Variants in TMCC3 observed in about 807,000 individuals in gnomAD.
TMCC3 encodes transmembrane and coiled-coil domain protein 3.
A neutral mutation model predicts 40.2 loss-of-function variants in TMCC3; 28 were observed. The observed-to-expected ratio is 0.70, with a 90% CI of 0.52 to 0.95. The LOEUF (loss-of-function observed/expected upper bound fraction) is 0.95. Among genes scored for constraint, TMCC3 ranks in the 40% least tolerant of loss-of-function variants. The probability of loss-of-function intolerance (pLI) is 0.00; values close to 1 mark genes in which losing one functional copy is unlikely to be tolerated. For missense variants in TMCC3, 554 were observed against 615.2 expected (o/e 0.90, Z 1.05); for synonymous variants, 255 against 248.5 (o/e 1.03, Z -0.25).
At chr12:94,647,902 AC>A (rs2069029020) in intron 1 of TMCC3, among the ~76,000 whole-genome samples, 2 of 152,228 alleles carry the variant, frequency 1.3e-5, no homozygotes, top group Admixed American at 1.3e-4. Flanking sequence ...TTATGAGTTT[AC>A]AAAAATTTCA....
chr12:94,633,243 G>A (rs890106958), intron 1 of TMCC3, among the ~76,000 whole-genome samples: 1 of 152,168 alleles, frequency 6.6e-6, no homozygotes. Flanking sequence ...TTCATCCAGT[G>A]TGTGAAAACA....
intron 1 of TMCC3, among the ~76,000 whole-genome samples, chr12:94,647,688 C>T (rs1227843716): frequency 6.6e-6 from 1 of 152,226 alleles, no homozygotes; most frequent in South Asian, 2.1e-4. Flanking sequence ...GTCTTCCTCT[C>T]GCATCACATA....
chr12:94,634,880 G>A (rs1435087733), intron 1 of TMCC3, among the ~76,000 whole-genome samples: 1 of 152,182 alleles, frequency 6.6e-6, no homozygotes, highest in African/African-American at 2.4e-5. Context: ...TAAGTCAGGA[G>A]GCTTCTACAA....
intron 3 of TMCC3, among the ~76,000 whole-genome samples, chr12:94,575,868 A>G (rs1300980781): frequency 6.6e-6 from 1 of 152,074 alleles, no homozygotes; most frequent in Non-Finnish European, 1.5e-5. Flanking sequence ...GTGTGATCAC[A>G]GCTCACTGCA....
intron 3 of TMCC3, among the ~76,000 whole-genome samples, chr12:94,574,208 C>A (rs1249123339): frequency 6.6e-6 from 1 of 151,940 alleles, no homozygotes; most frequent in Non-Finnish European, 1.5e-5. Flanking sequence ...TATGGTGAAA[C>A]CCCCTCTTTA....
At chr12:94,629,028 A>T (rs1355999881) in intron 1 of TMCC3, among the ~76,000 whole-genome samples, 2 of 152,198 alleles carry the variant, frequency 1.3e-5, no homozygotes, top group Non-Finnish European at 2.9e-5. Context: ...GACAATTAAC[A>T]TTCCTGTTCC....
Position 94,581,657 on chromosome 12 carries a change from A to G in TMCC3, c.960T>C (p.Gly320=). Residue 320 remains glycine, a synonymous_variant, in exon 2 of 4, where the codon GGT becomes GGC. Coordinates refer to ENST00000261226, the MANE Select transcript of TMCC3 (RefSeq NM_020698.4). ...ALKVQFKREY[G]FISQTLQEER... ...CCTCTTGCAGGGTCTGAGAAATAAA[A>G]CCATATTCTCTCTTAAACTGCACCT... 6.2e-7 allele frequency: 1 copy of G among 1,602,874 alleles called. No individual in the cohort carries two copies. The highest frequency in any genetic ancestry group is 8.5e-7 in the Non-Finnish European group (1 of 1,171,612).
chr12:94,584,605 A>G (rs958568518), intron 1 of TMCC3, among the ~76,000 whole-genome samples: 1 of 151,276 alleles, frequency 6.6e-6, no homozygotes, highest in African/African-American at 2.4e-5. Flanking sequence ...GGAGCACAGC[A>G]GCACAGTGGG....
chr12:94,597,427 A>G (rs1218968440), intron 1 of TMCC3, among the ~76,000 whole-genome samples: 1 of 152,170 alleles, frequency 6.6e-6, no homozygotes, highest in African/African-American at 2.4e-5. Context: ...ATTGTGGCAG[A>G]CAACTCAGGT....
chr12:94,588,257 A>C (rs1053567654), intron 1 of TMCC3, among the ~76,000 whole-genome samples: 2 of 152,166 alleles, frequency 1.3e-5, no homozygotes, highest in African/African-American at 4.8e-5. Context: ...GAGGGAGATG[A>C]ACCAAAAAGG....
At position 94,611,618 on chromosome 12, in the gene TMCC3, C is replaced by T. The variant is rs957656720; in HGVS notation, c.79-29080G>A. Among the ~76,000 whole-genome samples the T allele has an allele frequency of 6.2e-4, 94 of 152,114 alleles. 1 individual carries two copies. Among genetic ancestry groups the T allele is most frequent in the Admixed American group, 5.1e-3 (78 of 15,270 alleles). On this transcript the variant is annotated intron_variant, in intron 1 of 3. Transcript: ENST00000261226. ...GACCTCCTGCAGATACCAAAATCTG[C>T]GAGTGTTCAAGTCCCTGATATAAAA...
At position 94,571,023 on chromosome 12, in the gene TMCC3, A is replaced by C. The variant is rs1366463389; in HGVS notation, c.*412T>G. On this transcript the variant is annotated 3_prime_UTR_variant, in exon 4 of 4. Transcript: ENST00000261226. Reference sequence around the variant, plus strand: ...CCTGTGATTCTTCATTCCCTGAATCATGCATATCCTTGCTTTTTATAGGAC... The same window carrying C: ...CCTGTGATTCTTCATTCCCTGAATCCTGCATATCCTTGCTTTTTATAGGAC... 1.4e-5 allele frequency: 3 copies of C among 213,446 alleles called. No individual in the cohort carries two copies. Among genetic ancestry groups the C allele is most frequent in the African/African-American group, 7.0e-5 (3 of 43,088 alleles). The allele number at this position is 213,446 out of a possible 1,614,324, so 13.2% of individuals were successfully genotyped here. A position where few individuals can be genotyped will look rare whatever the true frequency, so the allele number is the denominator to read the frequency against.
At chr12:94,608,532 C>T (rs1263522843) in intron 1 of TMCC3, among the ~76,000 whole-genome samples, 1 of 152,104 alleles carries the variant, frequency 6.6e-6, no homozygotes, top group South Asian at 2.1e-4. Flanking sequence ...CACACCTGGA[C>T]CATGCAGCAA....
intron 1 of TMCC3, among the ~76,000 whole-genome samples, chr12:94,609,575 T>A (rs1003313090): frequency 6.6e-6 from 1 of 152,246 alleles, no homozygotes; most frequent in Non-Finnish European, 1.5e-5. Context: ...GGCACTCAAC[T>A]ATCTTACCTG....
chr12:94,643,796 G>A (rs771656114), intron 1 of TMCC3, among the ~76,000 whole-genome samples: 11 of 152,214 alleles, frequency 7.2e-5, no homozygotes, highest in Non-Finnish European at 1.5e-4. Flanking sequence ...TCCAGTGTTC[G>A]CCACGGAGGC....
chr12:94,587,072 T>C (rs1193520878), intron 1 of TMCC3, among the ~76,000 whole-genome samples: 1 of 152,216 alleles, frequency 6.6e-6, no homozygotes, highest in Non-Finnish European at 1.5e-5. Flanking sequence ...TGAAATTACA[T>C]GTGCGTGCTA....
intron 1 of TMCC3, among the ~76,000 whole-genome samples, chr12:94,635,661 T>TTTG (rs2068956481): frequency 4.8e-5 from 1 of 21,018 alleles, no homozygotes; most frequent in South Asian, 2.6e-3. Flanking sequence ...TGTATGTGGG[T>TTTG]TTTTTTTTTT....
intron 1 of TMCC3, among the ~76,000 whole-genome samples, chr12:94,639,889 C>A (rs1180727390): frequency 6.6e-6 from 1 of 151,954 alleles, no homozygotes; most frequent in African/African-American, 2.4e-5. Flanking sequence ...CTCACTAACT[C>A]AAATTTTCAC....
intron 1 of TMCC3, among the ~76,000 whole-genome samples, chr12:94,641,847 A>G (rs2068992788): frequency 6.6e-6 from 1 of 152,044 alleles, no homozygotes; most frequent in African/African-American, 2.4e-5. Flanking sequence ...AGGTCAGGAC[A>G]TGGATGAACT....
Sources: gnomAD v4.1 joint callset for allele counts (sites outside exome capture counted in the v4.1 genomes callset) on GRCh38, gnomAD v4.1.1 for gene constraint, MANE v1.5 for transcripts, NCBI Gene and HGNC (gene_info 2026-07-23, HGNC 2026-07-21) for gene names.